CEP63: variants seen among roughly 807,000 people sequenced by gnomAD.
CEP63 encodes the protein centrosomal protein of 63 kDa.
CEP63 carries 84 observed loss-of-function variants against 89.1 expected under a neutral mutation model. That is an observed-to-expected ratio of 0.94 (90% CI 0.79 to 1.13). The LOEUF (loss-of-function observed/expected upper bound fraction) is 1.13, where lower values mean the gene tolerates loss of function less well. Among genes scored for constraint, CEP63 ranks in the 50% most tolerant of loss-of-function variants. The pLI, the probability that CEP63 is intolerant of heterozygous loss-of-function variation, is 0.00. For synonymous variants in CEP63, 267 were observed against 272.5 expected (o/e 0.98, Z 0.20); for missense variants, 838 against 813.3 (o/e 1.03, Z -0.37).
chr3:134,574,286 G>A (rs1958137061), intron 11 of CEP63, among the ~76,000 whole-genome samples: 1 of 152,202 alleles, frequency 6.6e-6, no homozygotes, highest in Non-Finnish European at 1.5e-5. Context: ...ACAGAGCTCA[G>A]GTGGGCACAG....
chr3:134,626,273 G>C, the CEP63 span, among the ~76,000 whole-genome samples: 1 of 152,230 alleles, frequency 6.6e-6, no homozygotes, highest in East Asian at 1.9e-4. Flanking sequence ...AGAGACCCCA[G>C]GGTATGGTAG....
At chr3:134,745,830 C>A in the CEP63 span, among the ~76,000 whole-genome samples, 1 of 151,578 alleles carries the variant, frequency 6.6e-6, no homozygotes, top group Non-Finnish European at 1.5e-5. Flanking sequence ...TCGTTTCCAG[C>A]GTCACCCATG....
chr3:134,511,640 G>A (rs774667321), intron 3 of CEP63, among the ~76,000 whole-genome samples: 14 of 152,176 alleles, frequency 9.2e-5, no homozygotes, highest in Non-Finnish European at 1.8e-4. Flanking sequence ...CATGGCTGGT[G>A]AGGCCTCAGG....
chr3:134,566,197 T>C (rs1341638668), downstream of CEP63, among the ~76,000 whole-genome samples: 1 of 152,118 alleles, frequency 6.6e-6, no homozygotes, highest in Non-Finnish European at 1.5e-5. Context: ...AAGACCAGGT[T>C]CAATTATTTG....
the CEP63 span, among the ~76,000 whole-genome samples, chr3:134,668,664 A>C: frequency 6.6e-6 from 1 of 152,108 alleles, no homozygotes; most frequent in Non-Finnish European, 1.5e-5. Flanking sequence ...TGTCCAGTTC[A>C]CCCTCATGAT....
the CEP63 span, among the ~76,000 whole-genome samples, chr3:134,664,107 C>T: frequency 5.3e-5 from 8 of 152,130 alleles, no homozygotes; most frequent in Non-Finnish European, 1.0e-4. Context: ...TGGCCTCCTC[C>T]GGCATCTGGA....
Position 134,561,434 on chromosome 3 carries a change from G to A in CEP63, c.2011G>A (p.Glu671Lys). The A allele has an allele frequency of 6.2e-7, 1 of 1,613,940 alleles. No homozygotes were observed. Among genetic ancestry groups the A allele is most frequent in the East Asian group, 2.2e-5 (1 of 44,836 alleles). ...AGCTACCAGATTTTTGGAAGAGGAGGAACTGAGGTCTCATCACATTCTAGA... is the reference window on the plus strand; with the variant it reads ...AGCTACCAGATTTTTGGAAGAGGAGAAACTGAGGTCTCATCACATTCTAGA... The part of the protein sequence containing the change: ...SIATRFLEEE[E>K]LRSHHILERL... Residue 671 changes from glutamate (E) to lysine (K), a missense_variant, in exon 15 of 15, where the codon GAA becomes AAA. By Grantham distance (56) the Glu-to-Lys change is moderately conservative. Transcript: ENST00000675561.
chr3:134,699,630 C>T, the CEP63 span, among the ~76,000 whole-genome samples: 218 of 152,322 alleles, frequency 1.4e-3, no homozygotes, highest in Non-Finnish European at 7.6e-4. Flanking sequence ...TCTGCCTTGT[C>T]GTCCTCACGG....
chr3:134,597,706 C>T, the CEP63 span: 2 of 152,292 alleles, frequency 1.3e-5, no homozygotes, highest in Non-Finnish European at 2.9e-5. Flanking sequence ...TTTGGAACTT[C>T]CTGTTGGGTT....
the CEP63 span, among the ~76,000 whole-genome samples, chr3:134,613,368 C>G: frequency 6.6e-6 from 1 of 152,142 alleles, no homozygotes; most frequent in Non-Finnish European, 1.5e-5. Context: ...TTGGAAAAAC[C>G]AAGTCAGGGA....
intron 1 of CEP63, among the ~76,000 whole-genome samples, chr3:134,487,347 A>G (rs909796375): frequency 6.6e-6 from 1 of 152,238 alleles, no homozygotes; most frequent in African/African-American, 2.4e-5. Flanking sequence ...CTGAAACTAA[A>G]TTAGAGTAGA....
chr3:134,538,573 A>ATATATATATATATATAT (rs1951352612), intron 6 of CEP63, among the ~76,000 whole-genome samples: 1 of 141,820 alleles, frequency 7.1e-6, no homozygotes, highest in Non-Finnish European at 1.5e-5. Context: ...ATATTTTTTT[A>ATATATATATATATATAT]ACAACAAAAA....
At chr3:134,673,414 C>T in the CEP63 span, among the ~76,000 whole-genome samples, 13 of 152,308 alleles carry the variant, frequency 8.5e-5, no homozygotes, top group African/African-American at 3.1e-4. Flanking sequence ...GCCTCTCTTC[C>T]TTCCCTGCAA....
At chr3:134,603,547 C>T in the CEP63 span, 1 of 1,539,968 alleles carries the variant, frequency 6.5e-7, no homozygotes. Context: ...CTGGCCTTGG[C>T]CCTTTGGGAG....
chr3:134,697,921 C>T, the CEP63 span, among the ~76,000 whole-genome samples: 1 of 152,210 alleles, frequency 6.6e-6, no homozygotes, highest in African/African-American at 2.4e-5. Context: ...GCAGGCGGGG[C>T]CTGGAGCAGA....
In CEP63 at chr3:134,526,023, T is replaced by C. The variant is rs1039710832; in HGVS notation, c.223-5822T>C. Among the ~76,000 whole-genome samples the C allele has an allele frequency of 1.3e-4, 20 of 152,218 alleles. No homozygotes were observed. The South Asian group carries it at 2.3e-3, about 17-fold the overall frequency. On this transcript the variant is annotated intron_variant, in intron 3 of 14. Coordinates refer to ENST00000675561, the MANE Select transcript of CEP63 (RefSeq NM_001353108.3). Reference sequence around the variant, plus strand: ...TTCTTATGGATGATATCCTGAAATATGTTTTCCAGATTGGTTCCATTCTCC... The same window carrying C: ...TTCTTATGGATGATATCCTGAAATACGTTTTCCAGATTGGTTCCATTCTCC...
At chr3:134,668,682 C>CGTA in the CEP63 span, among the ~76,000 whole-genome samples, 1 of 152,164 alleles carries the variant, frequency 6.6e-6, no homozygotes, top group African/African-American at 2.4e-5. Context: ...GATAAAATCA[C>CGTA]TTATATTTTT....
chr3:134,747,466 T>C, the CEP63 span, among the ~76,000 whole-genome samples: 47 of 152,282 alleles, frequency 3.1e-4, no homozygotes, highest in African/African-American at 1.1e-3. Flanking sequence ...ATAGCAATGT[T>C]CTATGGGAGT....
chr3:134,594,190 C>T, the CEP63 span, among the ~76,000 whole-genome samples: 1 of 152,190 alleles, frequency 6.6e-6, no homozygotes, highest in Non-Finnish European at 1.5e-5. Context: ...CTCATTTTTC[C>T]TCACCACCAT....
Sources: allele counts gnomAD v4.1 joint callset (sites outside exome capture counted in the v4.1 genomes callset), GRCh38; gene constraint gnomAD v4.1.1; transcripts MANE v1.5; gene names NCBI Gene and HGNC (gene_info 2026-07-23, HGNC 2026-07-21).